G3BP2: variants seen among roughly 807,000 people sequenced by gnomAD.
G3BP2 encodes ras GTPase-activating protein-binding protein 2.
Under a neutral mutation model 56.7 loss-of-function variants are expected in G3BP2, and 11 were observed. The observed-to-expected ratio is 0.19, with a 90% CI of 0.12 to 0.32. G3BP2 has a LOEUF of 0.32. G3BP2 is among the 10% of genes least tolerant of loss of function. The probability of loss-of-function intolerance (pLI) is 1.00; values close to 1 mark genes in which losing one functional copy is unlikely to be tolerated. For missense variants in G3BP2, 340 were observed against 610.9 expected (o/e 0.56, Z 4.67); for synonymous variants, 165 against 191.6 (o/e 0.86, Z 1.15).
At chr4:75,707,561 G>C (rs1719599409) in intron 3 of G3BP2, among the ~76,000 whole-genome samples, 1 of 143,336 alleles carries the variant, frequency 7.0e-6, no homozygotes, top group South Asian at 2.2e-4. Flanking sequence ...AGTGAGCCGA[G>C]ACTGCGCCAC....
intron 3 of G3BP2, among the ~76,000 whole-genome samples, chr4:75,701,818 T>C (rs1719356570): frequency 6.6e-6 from 1 of 152,170 alleles, no homozygotes; most frequent in Non-Finnish European, 1.5e-5. Context: ...CCACTTATAT[T>C]CTACCCACTG....
rs758000481 is a variant in G3BP2, at chr4:75,645,619, A to G, written c.1260T>C (p.Gly420=). ...GCCTAATATCCCTGCGATCATCACC[A>G]CCACCTCTGGTTTCTCGCTCTCTTG... The part of the protein sequence containing the change: ...RAARERETRG[G]GDDRRDIRRN... The change falls in exon 12 of 12, where the codon GGT becomes GGC. Residue 420 remains glycine (G), a synonymous_variant. Transcript: ENST00000359707. The G allele has an allele frequency of 2.5e-6, 4 of 1,613,594 alleles. No individual in the cohort carries two copies. The highest frequency in any genetic ancestry group is 8.5e-7 in the Non-Finnish European group (1 of 1,179,896).
intron 3 of G3BP2, among the ~76,000 whole-genome samples, chr4:75,714,583 G>C (rs1456264515): frequency 6.6e-6 from 1 of 152,104 alleles, no homozygotes; most frequent in African/African-American, 2.4e-5. Context: ...AGCCAAGATC[G>C]CACCACCGCA....
intron 3 of G3BP2, among the ~76,000 whole-genome samples, chr4:75,716,181 T>C (rs1270465745): frequency 6.6e-6 from 1 of 152,122 alleles, no homozygotes; most frequent in Non-Finnish European, 1.5e-5. Context: ...TTCTTTTTTT[T>C]CCCCTGGAGA....
chr4:75,655,957 A>C (rs967706470), intron 5 of G3BP2, 87 bp from the exon 6 acceptor site: 17 of 722,502 alleles, frequency 2.4e-5, no homozygotes, highest in Non-Finnish European at 3.8e-5. Context: ...AGGAAGTGGT[A>C]TGATAGCAAA....
upstream of G3BP2, among the ~76,000 whole-genome samples, chr4:75,674,715 TATA>T (rs200243874): frequency 0.012 from 578 of 49,284 alleles, 5 homozygotes; most frequent in African/African-American, 0.028. Flanking sequence ...TATATATATA[TATA>T]TTTTTTTTTT....
At chr4:75,648,206 G>A (rs1731377615) in intron 9 of G3BP2, among the ~76,000 whole-genome samples, 1 of 151,688 alleles carries the variant, frequency 6.6e-6, no homozygotes, top group South Asian at 2.1e-4. Flanking sequence ...AAATTAGCTG[G>A]GCCTGGTGGC....
chr4:75,694,673 G>A, intron 3 of G3BP2: 22 of 604,400 alleles, frequency 3.6e-5, no homozygotes, highest in Non-Finnish European at 4.6e-5. Flanking sequence ...GCGAGGCGGC[G>A]GTTGCAGTGA....
intron 3 of G3BP2, chr4:75,694,998 G>A: frequency 1.1e-6 from 1 of 917,050 alleles, no homozygotes; most frequent in Non-Finnish European, 1.3e-6. Flanking sequence ...TGAATATCCG[G>A]GAGAATGGCC....
chr4:75,675,651 G>T (rs1229546923), upstream of G3BP2, among the ~76,000 whole-genome samples: 1 of 152,206 alleles, frequency 6.6e-6, no homozygotes. Context: ...AATTAGCCGG[G>T]CGTGGTGGCG....
chr4:75,691,228 C>T (rs1718843113), intron 3 of G3BP2, among the ~76,000 whole-genome samples: 1 of 152,074 alleles, frequency 6.6e-6, no homozygotes, highest in African/African-American at 2.4e-5. Flanking sequence ...TACAGGTGTG[C>T]ACCACCCTGC....
At chr4:75,659,251 C>T (rs1732356710) in intron 2 of G3BP2, among the ~76,000 whole-genome samples, 1 of 152,140 alleles carries the variant, frequency 6.6e-6, no homozygotes, top group Non-Finnish European at 1.5e-5. Flanking sequence ...TGATTTAGTA[C>T]ATTCTAAATA....
In G3BP2 at chr4:75,702,300, C is replaced by T. The variant is rs962029607; in HGVS notation, c.-25+18577G>A. On this transcript the variant is annotated intron_variant, in intron 3 of 3. Transcript: ENST00000499709. ...CCGGGCTTACGGGCACATGCCATCA[C>T]ACCCGGCTAATTCTTATATTTTTTG... is the stretch of plus-strand genomic sequence containing the variant. Among the ~76,000 whole-genome samples the T allele has an allele frequency of 2.0e-5, 3 of 151,804 alleles. No individual in the cohort carries two copies. The South Asian group carries it at 6.3e-4, about 32-fold the overall frequency.
intron 1 of G3BP2, among the ~76,000 whole-genome samples, chr4:75,668,531 T>C (rs768555417): frequency 3.9e-5 from 6 of 152,110 alleles, no homozygotes; most frequent in Non-Finnish European, 8.8e-5. Flanking sequence ...ACGCGAGTTG[T>C]CCAAATATCA....
intron 3 of G3BP2, among the ~76,000 whole-genome samples, chr4:75,685,316 C>G (rs1435415724): frequency 1.3e-5 from 2 of 151,872 alleles, no homozygotes; most frequent in Non-Finnish European, 2.9e-5. Flanking sequence ...GCCTGGCCAA[C>G]ATGGTGAAAC....
At chr4:75,647,238 A>G in intron 9 of G3BP2, 81 bp from the exon 10 acceptor site, 2 of 885,224 alleles carry the variant, frequency 2.3e-6, no homozygotes, top group Non-Finnish European at 3.4e-6. Flanking sequence ...AAAATCACTT[A>G]ATATTGATAT....
chr4:75,697,273 C>CAAAAAAAAAAAAAAAAAAAAAAAAAA (rs869037819), intron 3 of G3BP2, among the ~76,000 whole-genome samples: 4 of 28,842 alleles, frequency 1.4e-4, no homozygotes, highest in Admixed American at 6.6e-4. Context: ...GACTCTGTCT[C>CAAAAAAAAAAAAAAAAAAAAAAAAAA]AAAAAAAAAA....
At position 75,643,726 on chromosome 4, in the gene G3BP2, CTT is replaced by C. The variant is rs1328192500; in HGVS notation, c.*1702_*1703del. On this transcript the variant is annotated 3_prime_UTR_variant, in exon 12 of 12. Transcript: ENST00000359707. ...ATTTGCTACTATGTCAAGTGCATATCTTGTCTGTTTTACAAAGATAGAATGGA... is the reference window on the plus strand; with the variant it reads ...ATTTGCTACTATGTCAAGTGCATATCGTCTGTTTTACAAAGATAGAATGGA... 6.6e-6 allele frequency: 1 copy of C among 152,596 alleles called. No homozygotes were observed. The highest frequency in any genetic ancestry group is 1.5e-5 in the Non-Finnish European group (1 of 68,024). The allele number at this position is 152,596 out of a possible 1,614,324, so 9.5% of individuals were successfully genotyped here. A position where few individuals can be genotyped will look rare whatever the true frequency, so the allele number is the denominator to read the frequency against.
chr4:75,721,250 CTTTTT>C (rs568380952), intron 2 of G3BP2, among the ~76,000 whole-genome samples: 1 of 134,312 alleles, frequency 7.4e-6, no homozygotes, highest in African/African-American at 2.7e-5. Flanking sequence ...CTCAACTAGT[CTTTTT>C]TTTTTTTTTT....
Sources: allele counts gnomAD v4.1 joint callset (sites outside exome capture counted in the v4.1 genomes callset), GRCh38; gene constraint gnomAD v4.1.1; transcripts MANE v1.5; gene names NCBI Gene and HGNC (gene_info 2026-07-23, HGNC 2026-07-21).